The following ME1 variants were observed in gnomAD, a reference collection of about 807,000 sequenced individuals.
The protein encoded by ME1 is NADP-dependent malic enzyme.
A neutral mutation model predicts 66.4 loss-of-function variants in ME1; 74 were observed. The ratio of observed to expected loss-of-function variants is 1.11; its 90% CI spans 0.92 to 1.35. The LOEUF (loss-of-function observed/expected upper bound fraction) is 1.35. ME1 is among the 40% of genes most tolerant of loss of function. The probability of loss-of-function intolerance (pLI) is 0.00; values close to 1 mark genes in which losing one functional copy is unlikely to be tolerated. For synonymous variants in ME1, 251 were observed against 235.6 expected (o/e 1.07, Z -0.60); for missense variants, 750 against 694.1 (o/e 1.08, Z -0.90).
At chr6:83,381,134 C>T (rs1357618726) in intron 3 of ME1, among the ~76,000 whole-genome samples, 7 of 151,948 alleles carry the variant, frequency 4.6e-5, no homozygotes, top group African/African-American at 1.7e-4. Flanking sequence ...GAGCAGAAGG[C>T]CCAGCCGAAA....
chr6:83,356,018 C>A (rs1313817723), intron 3 of ME1, among the ~76,000 whole-genome samples: 1 of 152,082 alleles, frequency 6.6e-6, no homozygotes, highest in African/African-American at 2.4e-5. Context: ...TTTCTCATAA[C>A]CTCTTCCTTC....
intron 6 of ME1, among the ~76,000 whole-genome samples, chr6:83,304,774 C>CT (rs1302145438): frequency 6.6e-6 from 1 of 152,142 alleles, no homozygotes; most frequent in African/African-American, 2.4e-5. Flanking sequence ...ATGTGATCAT[C>CT]TTGGCAACAG....
intron 5 of ME1, among the ~76,000 whole-genome samples, chr6:83,332,398 C>T (rs1376197929): frequency 1.3e-5 from 2 of 152,174 alleles, no homozygotes; most frequent in Non-Finnish European, 1.5e-5. Context: ...AGCAATCCCA[C>T]TACTGGGTAT....
At chr6:83,301,147 T>TA (rs1032558198) in intron 6 of ME1, among the ~76,000 whole-genome samples, 1 of 151,856 alleles carries the variant, frequency 6.6e-6, no homozygotes, top group African/African-American at 2.4e-5. Context: ...TATACACATG[T>TA]AACAAACCTG....
intron 4 of ME1, among the ~76,000 whole-genome samples, chr6:83,348,618 A>C (rs976249221): frequency 1.3e-5 from 2 of 152,078 alleles, no homozygotes; most frequent in Non-Finnish European, 2.9e-5. Flanking sequence ...AAGGGATTTC[A>C]AGTGGCATAA....
At chr6:83,407,684 A>G in intron 2 of ME1, 84 bp downstream of exon 2, 2 of 1,337,430 alleles carry the variant, frequency 1.5e-6, no homozygotes, top group South Asian at 1.8e-5. Flanking sequence ...AAATCATTAA[A>G]TGTTTTCATT....
intron 6 of ME1, among the ~76,000 whole-genome samples, chr6:83,295,165 A>T (rs1297173128): frequency 6.6e-6 from 1 of 152,248 alleles, no homozygotes; most frequent in Non-Finnish European, 1.5e-5. Flanking sequence ...TACTTTGGTA[A>T]CATACCCCCA....
intron 7 of ME1, among the ~76,000 whole-genome samples, chr6:83,249,235 AC>A (rs544069676): frequency 1.3e-3 from 190 of 151,820 alleles, no homozygotes; most frequent in African/African-American, 4.4e-3. Flanking sequence ...TTATATATAT[AC>A]TTTTTTTCTT....
chr6:83,254,677 C>G (rs570428957), intron 6 of ME1, among the ~76,000 whole-genome samples: 2 of 152,238 alleles, frequency 1.3e-5, no homozygotes, highest in South Asian at 4.1e-4. Context: ...TCTTCCTCAA[C>G]TTGTGAGAAT....
chr6:83,291,055 A>AGTCTTGAC (rs1168284511), intron 6 of ME1, among the ~76,000 whole-genome samples: 2 of 151,998 alleles, frequency 1.3e-5, no homozygotes, highest in African/African-American at 4.8e-5. Context: ...TATACCACTG[A>AGTCTTGAC]GTCTTGACTC....
At chr6:83,275,464 CT>C (rs767009219) in intron 6 of ME1, among the ~76,000 whole-genome samples, 4,980 of 119,652 alleles carry the variant, frequency 0.042, 103 homozygotes, top group African/African-American at 0.11. Flanking sequence ...TAGTTTTGAT[CT>C]TTTTTTTTTT....
chr6:83,278,321 C>T (rs1767226996), intron 6 of ME1, among the ~76,000 whole-genome samples: 1 of 152,188 alleles, frequency 6.6e-6, no homozygotes, highest in Admixed American at 6.5e-5. Context: ...ATGGGGGCCT[C>T]CACACTTTCA....
chr6:83,411,656 C>T (rs1770050737), intron 1 of ME1, among the ~76,000 whole-genome samples: 1 of 152,046 alleles, frequency 6.6e-6, no homozygotes, highest in African/African-American at 2.4e-5. Context: ...AGGGCCTATC[C>T]AACAAAGGAT....
At position 83,223,681 on chromosome 6, in the gene ME1, T is replaced by C. The variant is rs111933727; in HGVS notation, c.1449+79A>G. On this transcript the variant is annotated intron_variant, in intron 12 of 13. Transcript: ENST00000369705. ...TCAGAGAGTAAGCTGAGATGCTAGA[T>C]AAATAAAACATTAGACAACCTAGGC... is the stretch of plus-strand genomic sequence containing the variant. 3.7e-4 allele frequency: 501 copies of C among 1,350,532 alleles called. 4 individuals carry two copies. The African/African-American group carries it at 6.4e-3, about 17-fold the overall frequency. The allele number at this position is 1,350,532 out of a possible 1,614,324, so 83.7% of individuals were successfully genotyped here.
intron 5 of ME1, among the ~76,000 whole-genome samples, chr6:83,329,562 T>C (rs1415868551): frequency 2.2e-4 from 33 of 152,204 alleles, no homozygotes; most frequent in Admixed American, 2.2e-3. Context: ...CATATAAATA[T>C]ATAAGAAGTA....
chr6:83,357,782 C>G (rs561027767), intron 3 of ME1, among the ~76,000 whole-genome samples: 1 of 151,358 alleles, frequency 6.6e-6, no homozygotes, highest in Admixed American at 6.6e-5. Flanking sequence ...TTCCTTCCCT[C>G]GAACATCGAA....
chr6:83,278,880 G>A (rs917234378), intron 6 of ME1, among the ~76,000 whole-genome samples: 1 of 152,114 alleles, frequency 6.6e-6, no homozygotes. Flanking sequence ...TAAACTGGGG[G>A]AAGGGAAATA....
At chr6:83,416,725 A>G (rs1377948561) in intron 1 of ME1, among the ~76,000 whole-genome samples, 1 of 151,936 alleles carries the variant, frequency 6.6e-6, no homozygotes, top group Non-Finnish European at 1.5e-5. Flanking sequence ...CCCCATCTCT[A>G]CAAAAAAAAA....
At chr6:83,368,543 C>T (rs1769141421) in intron 3 of ME1, among the ~76,000 whole-genome samples, 1 of 152,154 alleles carries the variant, frequency 6.6e-6, no homozygotes, top group African/African-American at 2.4e-5. Flanking sequence ...ACTTTTATGG[C>T]CACATTTCTA....
Sources: allele counts gnomAD v4.1 joint callset (sites outside exome capture counted in the v4.1 genomes callset), GRCh38; gene constraint gnomAD v4.1.1; transcripts MANE v1.5; gene names NCBI Gene and HGNC (gene_info 2026-07-23, HGNC 2026-07-21).